Variants in ACYP2 observed in about 807,000 individuals in gnomAD.
ACYP2 encodes acylphosphatase-2.
ACYP2 carries 12 observed loss-of-function variants against 11.2 expected under a neutral mutation model. That is an observed-to-expected ratio of 1.08 (90% CI 0.69 to 1.74). The LOEUF is 1.74. Among genes scored for constraint, ACYP2 ranks in the 40% most tolerant of loss-of-function variants. The probability of loss-of-function intolerance (pLI) is 0.00; values close to 1 mark genes in which losing one functional copy is unlikely to be tolerated. For synonymous variants in ACYP2, 43 were observed against 32.2 expected (o/e 1.33, Z -1.13); for missense variants, 134 against 101.9 (o/e 1.31, Z -1.35).
chr2:54,230,679 T>C (rs766664013), intron 6 of ACYP2, among the ~76,000 whole-genome samples: 5 of 151,584 alleles, frequency 3.3e-5, no homozygotes, highest in Non-Finnish European at 5.9e-5. Flanking sequence ...TCCTTTATCT[T>C]TAACCTGAAC....
At chr2:54,192,864 A>G (rs1288026392) in intron 6 of ACYP2, among the ~76,000 whole-genome samples, 1 of 152,170 alleles carries the variant, frequency 6.6e-6, no homozygotes, top group Non-Finnish European at 1.5e-5. Flanking sequence ...AGACACTTAT[A>G]AAACCATCAG....
chr2:54,258,528 T>C (rs1365518126), intron 6 of ACYP2, among the ~76,000 whole-genome samples: 3 of 151,838 alleles, frequency 2.0e-5, no homozygotes, highest in African/African-American at 7.3e-5. Flanking sequence ...AATGGGAAAT[T>C]ACTACAGGAT....
intron 6 of ACYP2, among the ~76,000 whole-genome samples, chr2:54,199,450 G>C (rs1684660103): frequency 6.6e-6 from 1 of 152,212 alleles, no homozygotes; most frequent in African/African-American, 2.4e-5. Context: ...GGACCTAAGT[G>C]AGGGGCCCTG....
chr2:54,151,027 C>T (rs1173498610), intron 6 of ACYP2, among the ~76,000 whole-genome samples: 1 of 152,152 alleles, frequency 6.6e-6, no homozygotes, highest in Non-Finnish European at 1.5e-5. Context: ...AGGGGTGAGC[C>T]ACCGCGCCCG....
intron 6 of ACYP2, among the ~76,000 whole-genome samples, chr2:54,167,663 TATC>T (rs1558583062): frequency 1.3e-5 from 2 of 152,228 alleles, no homozygotes; most frequent in Non-Finnish European, 2.9e-5. Context: ...TTATGTGTGA[TATC>T]ATCATGGTTA....
chr2:54,095,041 C>CCTTCCTT (rs1312870738), intron 4 of ACYP2, among the ~76,000 whole-genome samples: 1 of 147,850 alleles, frequency 6.8e-6, no homozygotes, highest in Non-Finnish European at 1.5e-5. Flanking sequence ...CGGCCTTCCG[C>CCTTCCTT]GGTGTTTGTG....
Position 54,068,971 on chromosome 2 carries a change from G to A in ACYP2, c.277+11611G>A, listed in dbSNP as rs567702666. Among the ~76,000 whole-genome samples, 12 of 151,616 alleles carry A rather than the reference G, an allele frequency of 7.9e-5. No homozygotes were observed. In the South Asian group the frequency reaches 1.1e-3, roughly 13 times the overall value. On this transcript the variant is annotated intron_variant, in intron 4 of 6. Transcript: ENST00000607452. Reference sequence around the variant, plus strand: ...AGGCAGGGTCTCTCTCTGTCGCCCCGGCTGGAGTGCAGTGGTGCAATCACA... The same window carrying A: ...AGGCAGGGTCTCTCTCTGTCGCCCCAGCTGGAGTGCAGTGGTGCAATCACA...
At position 54,013,313 on chromosome 2, in the gene ACYP2, GTGTT is replaced by G. The variant is rs1433741584; in HGVS notation, c.63-37643_63-37640del. ...TGTGTGTGTGTGTGTGTGTGTGTGTGTGTTTTGAGACAGAGTCTTGCTCTGTTGC... is the reference window on the plus strand; with the variant it reads ...TGTGTGTGTGTGTGTGTGTGTGTGTGTTGAGACAGAGTCTTGCTCTGTTGC... On this transcript the variant is annotated intron_variant, in intron 2 of 6. Coordinates refer to ENST00000607452, the MANE Select transcript of ACYP2 (RefSeq NM_001320586.2). 3.2e-3 allele frequency among the ~76,000 whole-genome samples: 380 copies of G among 118,336 alleles called. 1 individual carries two copies. Among genetic ancestry groups the G allele is most frequent in the Non-Finnish European group, 5.6e-3 (314 of 56,542 alleles). The allele number at this position is 118,336 out of a possible 152,430, so 77.6% of individuals were successfully genotyped here.
chr2:54,018,780 C>T (rs1053053788), intron 2 of ACYP2, among the ~76,000 whole-genome samples: 1 of 152,138 alleles, frequency 6.6e-6, no homozygotes, highest in Non-Finnish European at 1.5e-5. Context: ...CAGAGTCTTA[C>T]TCTGTCGCCC....
chr2:54,114,338 C>G (rs928595796), intron 4 of ACYP2, among the ~76,000 whole-genome samples: 4 of 146,006 alleles, frequency 2.7e-5, no homozygotes, highest in Non-Finnish European at 1.5e-5. Context: ...CAGCCTTAAC[C>G]TTCTAGGCAA....
chr2:54,272,367 A>G (rs1352309346), intron 6 of ACYP2, among the ~76,000 whole-genome samples: 2 of 152,290 alleles, frequency 1.3e-5, no homozygotes, highest in African/African-American at 2.4e-5. Flanking sequence ...CCAGTGATCT[A>G]TGAGGAACTA....
intron 4 of ACYP2, among the ~76,000 whole-genome samples, chr2:54,070,732 ATTT>A (rs11368576): frequency 3.4e-4 from 46 of 137,080 alleles, no homozygotes; most frequent in South Asian, 7.0e-4. Context: ...AAGCTATTCC[ATTT>A]TTTTTTTTTT....
intron 2 of ACYP2, among the ~76,000 whole-genome samples, chr2:54,032,093 G>A (rs983790425): frequency 6.6e-6 from 1 of 152,090 alleles, no homozygotes; most frequent in African/African-American, 2.4e-5. Context: ...TCACTCTGAT[G>A]GTATTTTCTT....
chr2:54,257,776 C>G (rs144036863), intron 6 of ACYP2, among the ~76,000 whole-genome samples: 1 of 151,988 alleles, frequency 6.6e-6, no homozygotes, highest in African/African-American at 2.4e-5. Flanking sequence ...CATTTTCAAA[C>G]TTAGATGAAA....
chr2:53,989,413 AG>A (rs1156355387), intron 2 of ACYP2, among the ~76,000 whole-genome samples: 1 of 151,660 alleles, frequency 6.6e-6, no homozygotes, highest in African/African-American at 2.4e-5. Flanking sequence ...GTCAGATATT[AG>A]TAAAACAAAG....
intron 6 of ACYP2, among the ~76,000 whole-genome samples, chr2:54,290,358 A>C (rs1689250781): frequency 6.6e-6 from 1 of 151,994 alleles, no homozygotes. Flanking sequence ...CCGTAAAGCA[A>C]AACTCCTTAA....
At position 54,301,652 on chromosome 2, in the gene ACYP2, C is replaced by T. The variant is rs141676665; in HGVS notation, c.405-3036C>T. Among the ~76,000 whole-genome samples the T allele has an allele frequency of 8.6e-3, 1,314 of 152,206 alleles. 15 individuals are homozygous for T. Among genetic ancestry groups the T allele is most frequent in the African/African-American group, 0.03 (1,261 of 41,518 alleles). On this transcript the variant is annotated intron_variant, in intron 6 of 6. Transcript: ENST00000607452. Reference sequence around the variant, plus strand: ...GTGAGTGATTTTATATATATGTATACATACACACGTGTTTGTATATGTATA... The same window carrying T: ...GTGAGTGATTTTATATATATGTATATATACACACGTGTTTGTATATGTATA...
intron 6 of ACYP2, among the ~76,000 whole-genome samples, chr2:54,235,666 T>C (rs1686445613): frequency 6.6e-6 from 1 of 152,196 alleles, no homozygotes; most frequent in African/African-American, 2.4e-5. Flanking sequence ...TAGGGTTTTT[T>C]TTGGAAAGCT....
In ACYP2 at chr2:54,055,144, C is replaced by G. The variant is rs1468197223; in HGVS notation, c.156-2095C>G. Among the ~76,000 whole-genome samples, 5 of 152,142 alleles carry G rather than the reference C, an allele frequency of 3.3e-5. No individual in the cohort carries two copies. The East Asian group carries it at 9.6e-4, about 29-fold the overall frequency. On this transcript the variant is annotated intron_variant, in intron 3 of 6. Coordinates refer to ENST00000607452, the MANE Select transcript of ACYP2 (RefSeq NM_001320586.2). Reference sequence around the variant, plus strand: ...CTCCACCTCCCGGGTTCAAGCAATTCTCCTGCCTCAGCCTCCCAAGTAGCT... The same window carrying G: ...CTCCACCTCCCGGGTTCAAGCAATTGTCCTGCCTCAGCCTCCCAAGTAGCT...
Sources: gnomAD v4.1 joint callset for allele counts (sites outside exome capture counted in the v4.1 genomes callset) on GRCh38, gnomAD v4.1.1 for gene constraint, MANE v1.5 for transcripts, NCBI Gene and HGNC (gene_info 2026-07-23, HGNC 2026-07-21) for gene names.